FER1L6: variants seen among roughly 807,000 people sequenced by gnomAD.
FER1L6 encodes the protein fer-1-like protein 6.
A neutral mutation model predicts 219.2 loss-of-function variants in FER1L6; 177 were observed. The ratio of observed to expected loss-of-function variants is 0.81; its 90% CI spans 0.71 to 0.91. The LOEUF is 0.91. Ranked by LOEUF, FER1L6 falls within the 40% of genes least tolerant of loss-of-function variation. The pLI, the probability that FER1L6 is intolerant of heterozygous loss-of-function variation, is 0.00. For synonymous variants in FER1L6, 768 were observed against 824.3 expected, an observed-to-expected ratio of 0.93 and a Z score of 1.17; for missense variants, 2,153 against 2,259.9, an observed-to-expected ratio of 0.95 and a Z score of 0.96.
intron 20 of FER1L6, among the ~76,000 whole-genome samples, chr8:124,041,220 T>C (rs1367162858): frequency 6.6e-6 from 1 of 152,260 alleles, no homozygotes; most frequent in East Asian, 1.9e-4. Context: ...TTTGGCTGCA[T>C]GTCTTTGGGC....
At chr8:123,972,491 G>A (rs148281156) in intron 6 of FER1L6, among the ~76,000 whole-genome samples, 139 of 152,320 alleles carry the variant, frequency 9.1e-4, no homozygotes, top group African/African-American at 3.1e-3. Context: ...TCCAACTGGT[G>A]CCAGAATCCT....
chr8:123,986,129 T>G lies in FER1L6; in HGVS notation c.1472T>G (p.Ile491Ser), dbSNP rs764827674. The change falls in exon 12 of 41, where the codon ATT becomes AGT. Residue 491 changes from isoleucine (I) to serine (S), a missense_variant. Physicochemically the swap from Ile to Ser is moderately radical, Grantham distance 142 (BLOSUM62 -2). Transcript: ENST00000522917. The stretch of plus-strand genomic sequence containing the variant: ...GGAGCATTTTTTGAAGCTACCATGA[T>G]TGACCGGAAGATTGGAGATAAACCC... Reference protein sequence around the residue: ...LFGAFFEATMIDRKIGDKPIS... With the variant: ...LFGAFFEATMSDRKIGDKPIS... 14 of 1,613,758 alleles carry G rather than the reference T, an allele frequency of 8.7e-6. No individual in the cohort carries two copies. Among genetic ancestry groups the G allele is most frequent in the Non-Finnish European group, 1.2e-5 (14 of 1,179,758 alleles).
intron 32 of FER1L6, among the ~76,000 whole-genome samples, chr8:124,078,893 G>A (rs899667359): frequency 6.6e-6 from 1 of 152,136 alleles, no homozygotes; most frequent in African/African-American, 2.4e-5. Flanking sequence ...CTGGGTGGCC[G>A]AAACAACAGA....
At chr8:124,063,751 T>C (rs1176288280) in intron 25 of FER1L6, among the ~76,000 whole-genome samples, 1 of 152,174 alleles carries the variant, frequency 6.6e-6, no homozygotes, top group Non-Finnish European at 1.5e-5. Flanking sequence ...GTGGCAGCCA[T>C]GGGGGTACCG....
intron 12 of FER1L6, among the ~76,000 whole-genome samples, chr8:124,001,864 G>A (rs1268289064): frequency 6.6e-6 from 1 of 152,202 alleles, no homozygotes; most frequent in Non-Finnish European, 1.5e-5. Context: ...AGATGGTAGA[G>A]GAATGATGGG....
Position 123,900,943 on chromosome 8 carries a change from G to C in FER1L6, c.-8+48758G>C, listed in dbSNP as rs1385906514. Among the ~76,000 whole-genome samples the C allele has an allele frequency of 2.6e-5, 4 of 152,238 alleles. No homozygotes were observed. In the South Asian group the frequency reaches 8.3e-4, roughly 32 times the overall value. On this transcript the variant is annotated intron_variant, in intron 1 of 40. Coordinates refer to ENST00000522917, the MANE Select transcript of FER1L6 (RefSeq NM_001039112.2). Reference sequence around the variant, plus strand: ...GGATTTTAGCATCTATGTTCATCAAGGATATTGATCTGTAGTCTTCTCTTT... The same window carrying C: ...GGATTTTAGCATCTATGTTCATCAACGATATTGATCTGTAGTCTTCTCTTT...
chr8:123,977,608 A>G lies in FER1L6; in HGVS notation c.1062A>G (p.Lys354=). Residue 354 remains lysine (K), a splice_region_variant and synonymous_variant, in exon 10 of 41, where the codon AAA becomes AAG. Coordinates refer to ENST00000522917, the MANE Select transcript of FER1L6 (RefSeq NM_001039112.2). ...TCTCCAACGAACAGGATGGAGACAAAGGTAAAGTCCCATCCATCTGACTTG... is the reference window on the plus strand; with the variant it reads ...TCTCCAACGAACAGGATGGAGACAAGGGTAAAGTCCCATCCATCTGACTTG... ...KKISNEQDGD[K]GFLPTFGPAW... 2 of 1,613,778 alleles carry G rather than the reference A, an allele frequency of 1.2e-6. No homozygotes were observed. Among genetic ancestry groups the G allele is most frequent in the Non-Finnish European group, 1.7e-6 (2 of 1,179,800 alleles).
chr8:123,952,866 G>A (rs553953731), intron 1 of FER1L6, among the ~76,000 whole-genome samples: 16 of 152,298 alleles, frequency 1.1e-4, no homozygotes, highest in African/African-American at 3.6e-4. Context: ...TGAATATTGT[G>A]ACACTTTGTA....
At chr8:124,068,830 G>A (rs1820937687) in intron 28 of FER1L6, among the ~76,000 whole-genome samples, 1 of 152,118 alleles carries the variant, frequency 6.6e-6, no homozygotes, top group South Asian at 2.1e-4. Flanking sequence ...GGATTTATAT[G>A]TGCATGGGGT....
intron 1 of FER1L6, among the ~76,000 whole-genome samples, chr8:123,880,166 C>T (rs2129658646): frequency 6.6e-6 from 1 of 152,200 alleles, no homozygotes; most frequent in Middle Eastern, 3.4e-3. Context: ...CGACCAACTC[C>T]CAGTTCCCAA....
chr8:123,960,442 A>G (rs914747190), intron 2 of FER1L6, among the ~76,000 whole-genome samples: 1 of 152,204 alleles, frequency 6.6e-6, no homozygotes, highest in Non-Finnish European at 1.5e-5. Flanking sequence ...GGTTATGTTT[A>G]TTATCTATTC....
intron 12 of FER1L6, among the ~76,000 whole-genome samples, chr8:123,993,996 A>G (rs973094016): frequency 3.3e-5 from 5 of 152,224 alleles, no homozygotes; most frequent in Non-Finnish European, 7.3e-5. Context: ...CTGTTTATCC[A>G]GGGTGCTCAG....
At position 124,003,238 on chromosome 8, in the gene FER1L6, G is replaced by GACCTCCTTCC; in HGVS notation, c.1594_1603dup (p.Leu535ProfsTer15). On this transcript the variant is annotated frameshift_variant, in exon 13 of 41. Coordinates refer to ENST00000522917, the MANE Select transcript of FER1L6 (RefSeq NM_001039112.2). LOFTEE classifies it high-confidence loss of function. ...GAAGTCAGCTGAATCAGCTGAAGAA[G>GACCTCCTTCC]ACCTCCTTCCACTGCTTCACGAAGG... 6.2e-7 allele frequency: 1 copy of GACCTCCTTCC among 1,614,096 alleles called. No homozygotes were observed. Among genetic ancestry groups the GACCTCCTTCC allele is most frequent in the Non-Finnish European group, 8.5e-7 (1 of 1,180,002 alleles).
At chr8:123,928,482 T>C (rs1813649045) in intron 1 of FER1L6, among the ~76,000 whole-genome samples, 1 of 152,132 alleles carries the variant, frequency 6.6e-6, no homozygotes, top group African/African-American at 2.4e-5. Context: ...GCTTGTTTTC[T>C]TAGGGGAGTA....
At chr8:124,041,930 G>C (rs1819518517) in intron 20 of FER1L6, among the ~76,000 whole-genome samples, 1 of 152,214 alleles carries the variant, frequency 6.6e-6, no homozygotes, top group African/African-American at 2.4e-5. Flanking sequence ...GTGAAATAGG[G>C]ATGATAACCT....
chr8:123,980,635 G>A lies in FER1L6; in HGVS notation c.1234G>A (p.Glu412Lys). ...GGAAATCCTCTCAGGACGGGCACAG[G>A]AATCTAAATTTTCCAAGGCCCTGAA... ...AVEILSGRAQ[E>K]SKFSKALKEL... The change falls in exon 11 of 41, where the codon GAA becomes AAA. Residue 412 changes from glutamate to lysine, a missense_variant. Physicochemically the swap from Glu to Lys is moderately conservative, Grantham distance 56. Transcript: ENST00000522917. 6.2e-7 allele frequency: 1 copy of A among 1,614,120 alleles called. No individual in the cohort carries two copies. The highest frequency in any genetic ancestry group is 2.2e-5 in the East Asian group (1 of 44,880).
chr8:124,025,110 G>C (rs1289343565), intron 18 of FER1L6, among the ~76,000 whole-genome samples: 1 of 151,834 alleles, frequency 6.6e-6, no homozygotes. Context: ...AGTCCTTTAT[G>C]GAATGCATAA....
intron 1 of FER1L6, among the ~76,000 whole-genome samples, chr8:123,912,206 TTAG>T (rs1470441491): frequency 6.6e-6 from 1 of 152,062 alleles, no homozygotes; most frequent in Non-Finnish European, 1.5e-5. Context: ...AAACTGCAAG[TTAG>T]CTAATCTAAT....
chr8:124,093,381 C>T (rs577514429), intron 34 of FER1L6, among the ~76,000 whole-genome samples: 44 of 151,458 alleles, frequency 2.9e-4, no homozygotes, highest in African/African-American at 9.9e-4. Context: ...ATGCAATGAG[C>T]CAAGGGCATG....
Sources: allele counts gnomAD v4.1 joint callset (sites outside exome capture counted in the v4.1 genomes callset), GRCh38; gene constraint gnomAD v4.1.1; transcripts MANE v1.5; gene names NCBI Gene and HGNC (gene_info 2026-07-23, HGNC 2026-07-21).